The following FBP1 variants were observed in gnomAD, a reference collection of about 807,000 sequenced individuals.
FBP1 encodes the protein fructose-bisphosphatase 1.
Under a neutral mutation model 29.9 loss-of-function variants are expected in FBP1, and 22 were observed. The ratio of observed to expected loss-of-function variants is 0.74; its 90% CI spans 0.53 to 1.05. FBP1 has a LOEUF of 1.05. FBP1 is among the 50% of genes least tolerant of loss of function. FBP1 has a pLI of 0.00. For missense variants in FBP1, 345 were observed against 448.2 expected, an observed-to-expected ratio of 0.77 and a Z score of 2.08; for synonymous variants, 175 against 178.6, an observed-to-expected ratio of 0.98 and a Z score of 0.16.
chr9:94,631,006 G>C (rs1424158548), intron 1 of FBP1, among the ~76,000 whole-genome samples: 1 of 152,182 alleles, frequency 6.6e-6, no homozygotes, highest in African/African-American at 2.4e-5. Flanking sequence ...GCAACTTCTT[G>C]GAGGACAGCC....
At chr9:94,637,904 G>A (rs532809796) in intron 1 of FBP1, among the ~76,000 whole-genome samples, 1 of 151,854 alleles carries the variant, frequency 6.6e-6, no homozygotes, top group East Asian at 2.0e-4. Context: ...CCAACATGGA[G>A]AAACCCCGTT....
intron 4 of FBP1, among the ~76,000 whole-genome samples, chr9:94,608,342 C>A (rs1754439): frequency 6.6e-6 from 1 of 152,058 alleles, no homozygotes; most frequent in South Asian, 2.1e-4. Flanking sequence ...CCCTGCATTG[C>A]GCTTCCAAAC....
chr9:94,626,616 G>A (rs755905063), intron 1 of FBP1, among the ~76,000 whole-genome samples: 10 of 152,132 alleles, frequency 6.6e-5, no homozygotes, highest in South Asian at 2.1e-4. Flanking sequence ...CATTTACACA[G>A]GTCAATGAAA....
intron 3 of FBP1, among the ~76,000 whole-genome samples, chr9:94,610,392 G>A (rs1415289686): frequency 6.6e-6 from 1 of 152,106 alleles, no homozygotes; most frequent in Non-Finnish European, 1.5e-5. Flanking sequence ...TCTTATTACG[G>A]GCATCCATCT....
Position 94,639,383 on chromosome 9 carries a change from G to C in FBP1, c.-73C>G. On this transcript the variant is annotated 5_prime_UTR_variant, in exon 1 of 7. Coordinates refer to ENST00000375326, the MANE Select transcript of FBP1 (RefSeq NM_000507.4). The stretch of plus-strand genomic sequence containing the variant: ...GGGGCTGCAGGTGCGGGCGGCAAGA[G>C]AGGGCAGTAGGCACTGGCCGCAGGT... The C allele has an allele frequency of 1.3e-6, 2 of 1,520,738 alleles. No homozygotes were observed. Among genetic ancestry groups the C allele is most frequent in the East Asian group, 2.4e-5 (1 of 41,252 alleles). The allele number at this position is 1,520,738 out of a possible 1,614,324, so 94.2% of individuals were successfully genotyped here. A position where few individuals can be genotyped will look rare whatever the true frequency, so the allele number is the denominator to read the frequency against.
At chr9:94,634,280 C>T (rs1828157588) in intron 1 of FBP1, among the ~76,000 whole-genome samples, 4 of 145,176 alleles carry the variant, frequency 2.8e-5, no homozygotes, top group Admixed American at 1.4e-4. Context: ...GGCAACAGAG[C>T]GAGACTCTGC....
At chr9:94,617,678 A>G (rs918305606) in intron 3 of FBP1, 90 bp downstream of exon 3, 84 of 827,884 alleles carry the variant, frequency 1.0e-4, no homozygotes, top group Non-Finnish European at 6.2e-5. Flanking sequence ...CATGATCTCC[A>G]CTCCGGCTGC....
chr9:94,604,103 C>T (rs181129269), intron 6 of FBP1: 2 of 177,758 alleles, frequency 1.1e-5, no homozygotes, highest in African/African-American at 2.4e-5. Context: ...GTGTATTATA[C>T]GTCTTGGCAT....
At chr9:94,637,724 C>T (rs777888473) in intron 1 of FBP1, among the ~76,000 whole-genome samples, 9 of 151,922 alleles carry the variant, frequency 5.9e-5, no homozygotes, top group Admixed American at 2.0e-4. Context: ...TGCATAAGTG[C>T]GGGGAATGTT....
chr9:94,623,631 A>G (rs1827979810), intron 1 of FBP1, among the ~76,000 whole-genome samples: 1 of 152,210 alleles, frequency 6.6e-6, no homozygotes, highest in Non-Finnish European at 1.5e-5. Context: ...CTTTTGGCCC[A>G]AGTCCCATCT....
chr9:94,622,954 G>A (rs1266407536), intron 1 of FBP1, among the ~76,000 whole-genome samples: 3 of 151,076 alleles, frequency 2.0e-5, no homozygotes. Context: ...GAGTTGCACT[G>A]TCAAAGTCAC....
upstream of FBP1, among the ~76,000 whole-genome samples, chr9:94,639,730 C>CCCCAA (rs28382858): frequency 2.0e-5 from 3 of 149,548 alleles, no homozygotes; most frequent in African/African-American, 2.5e-5. Flanking sequence ...TGTCGCCCCC[C>CCCCAA]ACACACACCC....
chr9:94,617,909 C>T, intron 2 of FBP1, 49 bp from the exon 3 acceptor site: 1 of 1,381,244 alleles, frequency 7.2e-7, no homozygotes, highest in Non-Finnish European at 1.0e-6. Flanking sequence ...TAGCAAGATA[C>T]ACTAAAGGAG....
intron 5 of FBP1, 96 bp downstream of exon 5, chr9:94,606,719 G>T: frequency 1.6e-6 from 2 of 1,280,354 alleles, no homozygotes; most frequent in South Asian, 1.3e-5. Context: ...CGATCCCAAG[G>T]ATCCCTTTCA....
Position 94,620,495 on chromosome 9 carries a change from C to T in FBP1, c.171-4G>A. 2.5e-6 allele frequency: 4 copies of T among 1,613,860 alleles called. No individual in the cohort carries two copies. Among genetic ancestry groups the T allele is most frequent in the Non-Finnish European group, 2.5e-6 (3 of 1,179,896 alleles). The stretch of plus-strand genomic sequence containing the variant: ...GGTAGAACCAGCAATGCCATAGCTA[C>T]AGGGAACAAAAGCCACAAAAAATAA... On this transcript the variant is annotated splice_region_variant and splice_polypyrimidine_tract_variant and intron_variant, in intron 1 of 6. Transcript: ENST00000375326.
intron 1 of FBP1, among the ~76,000 whole-genome samples, chr9:94,637,606 G>A (rs933646363): frequency 2.6e-5 from 4 of 151,910 alleles, no homozygotes; most frequent in Non-Finnish European, 5.9e-5. Context: ...GATCAGGTTG[G>A]TCTTGAACTC....
At chr9:94,610,866 C>CTTTTT (rs5899227) in intron 3 of FBP1, among the ~76,000 whole-genome samples, 4 of 143,874 alleles carry the variant, frequency 2.8e-5, no homozygotes, top group African/African-American at 7.6e-5. Flanking sequence ...TGATTTTCTT[C>CTTTTT]TTTTTTTTTT....
At chr9:94,634,979 C>T (rs1253147229) in intron 1 of FBP1, among the ~76,000 whole-genome samples, 1 of 150,170 alleles carries the variant, frequency 6.7e-6, no homozygotes, top group African/African-American at 2.4e-5. Flanking sequence ...ATCTCAGCTA[C>T]TCGGGAAATT....
chr9:94,607,661 A>G (rs182804183), intron 4 of FBP1, among the ~76,000 whole-genome samples: 65 of 152,206 alleles, frequency 4.3e-4, no homozygotes, highest in African/African-American at 1.5e-3. Flanking sequence ...CAGAAGTCCT[A>G]TTGCTCCGGA....
Sources: allele counts gnomAD v4.1 joint callset (sites outside exome capture counted in the v4.1 genomes callset), GRCh38; gene constraint gnomAD v4.1.1; transcripts MANE v1.5; gene names NCBI Gene and HGNC (gene_info 2026-07-23, HGNC 2026-07-21).